Variants in TAOK3 observed in about 807,000 individuals in gnomAD.
TAOK3 encodes serine/threonine-protein kinase TAO3.
In TAOK3, 40 loss-of-function variants were observed where a neutral mutation model predicts 120.4. The observed-to-expected ratio is 0.33, with a 90% CI of 0.26 to 0.43. TAOK3 has a LOEUF of 0.43. Among genes scored for constraint, TAOK3 ranks in the 20% least tolerant of loss-of-function variants. TAOK3 has a pLI of 1.00. For synonymous variants in TAOK3, 355 were observed against 387.5 expected (o/e 0.92, Z 0.99); for missense variants, 821 against 1,112.1 (o/e 0.74, Z 3.72).
chr12:118,187,314 T>G (rs2037136702), intron 14 of TAOK3, among the ~76,000 whole-genome samples: 1 of 152,204 alleles, frequency 6.6e-6, no homozygotes, highest in Non-Finnish European at 1.5e-5. Context: ...TACTGGACTT[T>G]CACTTTCCCA....
chr12:118,287,915 T>C lies in TAOK3; in HGVS notation c.-193-21156A>G, dbSNP rs867790520. Among the ~76,000 whole-genome samples, 36 of 152,126 alleles carry C rather than the reference T, an allele frequency of 2.4e-4. 2 individuals are homozygous for C. The highest frequency in any genetic ancestry group is 1.0e-3 in the Admixed American group (16 of 15,248). On this transcript the variant is annotated intron_variant, in intron 1 of 20. Transcript: ENST00000392533. ...ATACACAACAGCACTGTGAGAGCTC[T>C]GTATTTATAACTTTTGACTCCCTCC... is the stretch of plus-strand genomic sequence containing the variant.
intron 5 of TAOK3, among the ~76,000 whole-genome samples, chr12:118,240,628 G>A (rs1230112042): frequency 1.3e-5 from 2 of 152,066 alleles, no homozygotes; most frequent in East Asian, 3.9e-4. Flanking sequence ...ACAGGCATAA[G>A]CCACTGCACC....
chr12:118,250,457 T>C (rs1281492147), intron 3 of TAOK3, among the ~76,000 whole-genome samples: 1 of 152,240 alleles, frequency 6.6e-6, no homozygotes, highest in Non-Finnish European at 1.5e-5. Flanking sequence ...CTACAGAGGC[T>C]AACAGAATTA....
rs1264331100 is a variant in TAOK3, at chr12:118,167,666, G to A, written c.1899+4791C>T. On this transcript the variant is annotated intron_variant, in intron 17 of 20. Transcript: ENST00000392533. Reference sequence around the variant, plus strand: ...CCATTTTTCCTGCTTCTCTTTATAGGCTCTTTTTTTTTTTTTTCCTTTTTT... The same window carrying A: ...CCATTTTTCCTGCTTCTCTTTATAGACTCTTTTTTTTTTTTTTCCTTTTTT... Among the ~76,000 whole-genome samples, 6 of 147,820 alleles carry A rather than the reference G, an allele frequency of 4.1e-5. No homozygotes were observed. The East Asian group carries it at 1.2e-3, about 30-fold the overall frequency.
At chr12:118,172,910 A>G (rs748322863) in intron 16 of TAOK3, among the ~76,000 whole-genome samples, 1 of 152,140 alleles carries the variant, frequency 6.6e-6, no homozygotes, top group Non-Finnish European at 1.5e-5. Flanking sequence ...TCATTCACTC[A>G]ACACAAACTT....
At position 118,353,226 on chromosome 12, in the gene TAOK3, C is replaced by T. The variant is rs148396211; in HGVS notation, c.-194+19422G>A. ...TTGGTTTGCTAAATTAAAAATCACC[C>T]GAGAATTTGCAGGAAAATAGTAGGA... is the stretch of plus-strand genomic sequence containing the variant. On this transcript the variant is annotated intron_variant, in intron 1 of 20. Coordinates refer to ENST00000392533, the MANE Select transcript of TAOK3 (RefSeq NM_016281.4). Among the ~76,000 whole-genome samples the T allele has an allele frequency of 2.3e-4, 35 of 152,046 alleles. No homozygotes were observed. In the East Asian group the frequency reaches 4.5e-3, roughly 19 times the overall value.
intron 1 of TAOK3, among the ~76,000 whole-genome samples, chr12:118,346,239 A>C (rs1448829860): frequency 2.6e-5 from 4 of 152,228 alleles, no homozygotes; most frequent in Admixed American, 1.3e-4. Flanking sequence ...GAAAGGGTTA[A>C]GGGTAATGAA....
At chr12:118,280,082 A>G (rs1417371061) in intron 1 of TAOK3, among the ~76,000 whole-genome samples, 1 of 113,714 alleles carries the variant, frequency 8.8e-6, no homozygotes, top group African/African-American at 3.5e-5. Context: ...TTTTTTTTTT[A>G]GATGGAGTCT....
chr12:118,235,653 A>G lies in TAOK3; in HGVS notation c.456T>C (p.Asn152=). 1 of 1,609,998 alleles carries G rather than the reference A, an allele frequency of 6.2e-7. No individual in the cohort carries two copies. Among genetic ancestry groups the G allele is most frequent in the Non-Finnish European group, 8.5e-7 (1 of 1,177,828 alleles). The change falls in exon 8 of 21, where the codon AAT becomes AAC. Residue 152 remains asparagine, a synonymous_variant. Transcript: ENST00000392533. ...ALIHRDIKAG[N]ILLTEPGQVK... ...CCTGACCTGGCTCTGTTAGAAGAAT[A>G]TTTCCTGCTTTAATATCCCTATAGG...
At chr12:118,221,919 C>A (rs962923706) in intron 9 of TAOK3, among the ~76,000 whole-genome samples, 5 of 152,006 alleles carry the variant, frequency 3.3e-5, no homozygotes, top group African/African-American at 1.2e-4. Flanking sequence ...CAGGCGTGAG[C>A]CACTGCGCCT....
At chr12:118,270,642 C>G (rs902278472) in intron 1 of TAOK3, among the ~76,000 whole-genome samples, 4 of 148,600 alleles carry the variant, frequency 2.7e-5, no homozygotes, top group Admixed American at 6.7e-5. Flanking sequence ...CAAATCTCAG[C>G]TATTCTTACA....
At chr12:118,251,567 T>A (rs949032150) in intron 3 of TAOK3, among the ~76,000 whole-genome samples, 2 of 152,174 alleles carry the variant, frequency 1.3e-5, no homozygotes, top group East Asian at 1.9e-4. Flanking sequence ...ATTTAGTGCC[T>A]ACTGTAAATG....
At chr12:118,249,710 C>T (rs946877882) in intron 3 of TAOK3, among the ~76,000 whole-genome samples, 12 of 151,906 alleles carry the variant, frequency 7.9e-5, no homozygotes, top group Admixed American at 2.6e-4. Context: ...TGCTTGTAGT[C>T]GTAGCTACCT....
chr12:118,243,799 C>T (rs1445466933), intron 4 of TAOK3, among the ~76,000 whole-genome samples: 1 of 152,102 alleles, frequency 6.6e-6, no homozygotes, highest in African/African-American at 2.4e-5. Context: ...TCTCGTGCCT[C>T]CCAAGTAGCT....
chr12:118,343,066 A>G (rs770985138), intron 1 of TAOK3, among the ~76,000 whole-genome samples: 3 of 151,966 alleles, frequency 2.0e-5, no homozygotes, highest in Non-Finnish European at 1.5e-5. Flanking sequence ...TTCCTGCTAC[A>G]TCTATTGGCA....
intron 1 of TAOK3, among the ~76,000 whole-genome samples, chr12:118,341,234 C>G: frequency 6.6e-6 from 1 of 152,066 alleles, no homozygotes. Context: ...CATCTGACCT[C>G]AAGTGATCCG....
At chr12:118,189,535 GACACACACAC>G (rs869285530) in intron 14 of TAOK3, among the ~76,000 whole-genome samples, 9,908 of 132,210 alleles carry the variant, frequency 0.075, 539 homozygotes, top group African/African-American at 0.16. Context: ...CACAGACACA[GACACACACAC>G]ACACACACAC....
Position 118,339,424 on chromosome 12 carries a change from C to A in TAOK3, c.-194+33224G>T, listed in dbSNP as rs73412979. Among the ~76,000 whole-genome samples, 257 of 151,386 alleles carry A rather than the reference C, an allele frequency of 1.7e-3. 3 individuals carry two copies. Among genetic ancestry groups the A allele is most frequent in the Admixed American group, 5.5e-3 (83 of 15,200 alleles). On this transcript the variant is annotated intron_variant, in intron 1 of 20. Transcript: ENST00000392533. ...CTCAGCCTCAATTTTCCGGAAAACT[C>A]AATTCTCAAATACACTGCGTTAATG...
chr12:118,199,370 A>G, intron 12 of TAOK3, 113 bp from the exon 13 acceptor site: 1 of 784,130 alleles, frequency 1.3e-6, no homozygotes, highest in Non-Finnish European at 2.2e-6. Context: ...TTTTCTGCCA[A>G]TCTGCAAAGA....
Sources: allele counts gnomAD v4.1 joint callset (sites outside exome capture counted in the v4.1 genomes callset), GRCh38; gene constraint gnomAD v4.1.1; transcripts MANE v1.5; gene names NCBI Gene and HGNC (gene_info 2026-07-23, HGNC 2026-07-21).